Variants in MICAL2 observed in about 807,000 individuals in gnomAD.
MICAL2 encodes microtubule associated monooxygenase, calponin and LIM domain containing 2, also known as [F-actin]-monooxygenase MICAL2.
Under a neutral mutation model 127.3 loss-of-function variants are expected in MICAL2, and 77 were observed. The observed-to-expected ratio is 0.60, with a 90% CI of 0.50 to 0.73. The LOEUF (loss-of-function observed/expected upper bound fraction) is 0.73, where lower values mean the gene tolerates loss of function less well. Ranked by LOEUF, MICAL2 falls within the 30% of genes least tolerant of loss-of-function variation. The pLI is 0.00. For missense variants in MICAL2, 1,351 were observed against 1,434.4 expected, an observed-to-expected ratio of 0.94 and a Z score of 0.94; for synonymous variants, 570 against 551.1, an observed-to-expected ratio of 1.03 and a Z score of -0.48.
intron 26 of MICAL2, chr11:12,261,435 A>G (rs1418922886): frequency 2.0e-6 from 2 of 985,368 alleles, no homozygotes; most frequent in African/African-American, 3.5e-5. Flanking sequence ...TACTCTGGGT[A>G]TCTAGAAGAG....
chr11:12,306,569 T>C (rs1864112396), intron 29 of MICAL2, among the ~76,000 whole-genome samples: 1 of 152,222 alleles, frequency 6.6e-6, no homozygotes, highest in South Asian at 2.1e-4. Flanking sequence ...AAAATAGAGA[T>C]ATTTTCACCA....
intron 2 of MICAL2, among the ~76,000 whole-genome samples, chr11:12,149,058 CCT>C (rs1169941970): frequency 6.6e-6 from 1 of 152,138 alleles, no homozygotes; most frequent in Non-Finnish European, 1.5e-5. Flanking sequence ...CAAACTGGGA[CCT>C]GTGACACTCT....
chr11:12,192,978 C>T (rs943818154), intron 3 of MICAL2, among the ~76,000 whole-genome samples: 1 of 152,174 alleles, frequency 6.6e-6, no homozygotes, highest in African/African-American at 2.4e-5. Flanking sequence ...GAACTGACGT[C>T]AGAGGTAATA....
At chr11:12,229,063 T>C (rs1355222532) in intron 15 of MICAL2, among the ~76,000 whole-genome samples, 4 of 152,140 alleles carry the variant, frequency 2.6e-5, no homozygotes, top group Non-Finnish European at 5.9e-5. Context: ...CAAGAGTCTA[T>C]TTAAGCTTGG....
At chr11:12,276,885 C>T (rs993731868) in intron 1 of MICAL2, among the ~76,000 whole-genome samples, 1 of 152,186 alleles carries the variant, frequency 6.6e-6, no homozygotes, top group Admixed American at 6.5e-5. Context: ...TGCGCCAGGT[C>T]GATAAATAAA....
chr11:12,285,699 T>C (rs1294496285), intron 2 of MICAL2, among the ~76,000 whole-genome samples: 1 of 152,196 alleles, frequency 6.6e-6, no homozygotes, highest in East Asian at 1.9e-4. Context: ...CCCCAGGTAG[T>C]AATTGTCACC....
At chr11:12,210,902 C>G (rs570300953) in intron 6 of MICAL2, among the ~76,000 whole-genome samples, 2 of 152,290 alleles carry the variant, frequency 1.3e-5, no homozygotes, top group South Asian at 4.1e-4. Context: ...TGGCCTCTGG[C>G]CCCCCAGACA....
chr11:12,294,873 C>G (rs1450659883), downstream of MICAL2: 3 of 1,451,756 alleles, frequency 2.1e-6, no homozygotes, highest in Non-Finnish European at 2.7e-6. Flanking sequence ...TGGCTCTGTC[C>G]TGATAAATGT....
Position 12,255,764 on chromosome 11 carries a change from C to A in MICAL2, c.2955+14C>A, listed in dbSNP as rs1238591268. 2 of 1,599,762 alleles carry A rather than the reference C, an allele frequency of 1.3e-6. No individual in the cohort carries two copies. The highest frequency in any genetic ancestry group is 1.7e-6 in the Non-Finnish European group (2 of 1,169,934). Reference sequence around the variant, plus strand: ...TCTCCAGACCTGGTAAGGACATGCACCCCCAGCCTTCACCCACAGACACTG... The same window carrying A: ...TCTCCAGACCTGGTAAGGACATGCAACCCCAGCCTTCACCCACAGACACTG... On this transcript the variant is annotated intron_variant, in intron 23 of 27. Transcript: ENST00000683283.
At chr11:12,154,173 G>A (rs1397829746) in intron 2 of MICAL2, among the ~76,000 whole-genome samples, 1 of 152,298 alleles carries the variant, frequency 6.6e-6, no homozygotes, top group Non-Finnish European at 1.5e-5. Context: ...AGCCTTGGGG[G>A]ACTTAGCCCT....
upstream of MICAL2, chr11:12,276,074 C>T (rs925418857): frequency 2.8e-5 from 11 of 399,086 alleles, no homozygotes; most frequent in Admixed American, 4.4e-5. Context: ...CCCTGCCCTC[C>T]GAGTGGACCT....
chr11:12,224,731 C>T lies in MICAL2; in HGVS notation c.1599C>T (p.Tyr533=), dbSNP rs996929364. The T allele has an allele frequency of 1.9e-6, 3 of 1,614,204 alleles. No individual in the cohort carries two copies. Among genetic ancestry groups the T allele is most frequent in the Non-Finnish European group, 2.5e-6 (3 of 1,180,032 alleles). ...LTWCQQQTEG[Y]QHVNVTDLTT... is the part of the protein sequence containing the mutation. The stretch of plus-strand genomic sequence containing the variant: ...GGTGCCAGCAGCAGACAGAGGGCTA[C>T]CAGCATGTCAACGTCACCGACCTGA... Residue 533 remains tyrosine (Y), a synonymous_variant, in exon 13 of 28, where the codon TAC becomes TAT. Transcript: ENST00000683283.
intron 31 of MICAL2, among the ~76,000 whole-genome samples, chr11:12,325,479 C>T (rs1022995195): frequency 3.3e-5 from 5 of 152,098 alleles, no homozygotes; most frequent in African/African-American, 7.2e-5. Context: ...TACCACGGAC[C>T]GGATGGCTTA....
At chr11:12,335,997 T>G (rs902373339) in intron 32 of MICAL2, among the ~76,000 whole-genome samples, 1 of 152,298 alleles carries the variant, frequency 6.6e-6, no homozygotes, top group Middle Eastern at 3.4e-3. Context: ...AAGAAAGTCA[T>G]TGGTAGCTTG....
At position 12,224,776 on chromosome 11, in the gene MICAL2, G is replaced by A. The variant is rs1857219516; in HGVS notation, c.1644G>A (p.Gly548=). 3 of 1,614,058 alleles carry A rather than the reference G, an allele frequency of 1.9e-6. No individual in the cohort carries two copies. The highest frequency in any genetic ancestry group is 1.3e-5 in the African/African-American group (1 of 74,954). The stretch of plus-strand genomic sequence containing the variant: ...ACCTGACCACATCCTGGCGCAGTGG[G>A]TTGGCCCTGTGTGCCATCATCCACC... ...VTDLTTSWRS[G]LALCAIIHRF... is the part of the protein sequence containing the mutation. The change falls in exon 13 of 28, where the codon GGG becomes GGA. Residue 548 remains glycine, a synonymous_variant. Transcript: ENST00000683283.
intron 1 of MICAL2, among the ~76,000 whole-genome samples, chr11:12,123,110 A>G (rs1347506029): frequency 2.0e-5 from 3 of 152,210 alleles, no homozygotes; most frequent in Admixed American, 2.0e-4. Context: ...TGTACCCTCA[A>G]GAAAGAAAAA....
intron 24 of MICAL2, among the ~76,000 whole-genome samples, chr11:12,257,653 C>T (rs1008204795): frequency 1.3e-5 from 2 of 152,166 alleles, no homozygotes; most frequent in South Asian, 4.1e-4. Flanking sequence ...CCCCAGTTTC[C>T]TCATCTGTAA....
At chr11:12,337,715 A>G (rs1158434226) in intron 32 of MICAL2, among the ~76,000 whole-genome samples, 19 of 151,876 alleles carry the variant, frequency 1.3e-4, no homozygotes, top group African/African-American at 4.4e-4. Context: ...TTATGTACCC[A>G]GTAGTCATTC....
At chr11:12,260,636 G>A (rs2134703872) in intron 26 of MICAL2, 1 of 986,738 alleles carries the variant, frequency 1.0e-6, no homozygotes, top group African/African-American at 1.7e-5. Context: ...TTTGACTTAG[G>A]TACCCAGATG....
Sources: gnomAD v4.1 joint callset for allele counts (sites outside exome capture counted in the v4.1 genomes callset) on GRCh38, gnomAD v4.1.1 for gene constraint, MANE v1.5 for transcripts, NCBI Gene and HGNC (gene_info 2026-07-23, HGNC 2026-07-21) for gene names.